The following EHD4 variants were observed in gnomAD, a reference collection of about 807,000 sequenced individuals.
EHD4 encodes EH domain containing 4.
Under a neutral mutation model 51.0 loss-of-function variants are expected in EHD4, and 37 were observed. The observed-to-expected ratio is 0.73, with a 90% confidence interval of 0.56 to 0.95. The LOEUF is 0.95. Ranked by LOEUF, EHD4 falls within the 40% of genes least tolerant of loss-of-function variation. EHD4 has a pLI of 0.00. For missense variants in EHD4, 632 were observed against 733.1 expected, an observed-to-expected ratio of 0.86 and a Z score of 1.59; for synonymous variants, 297 against 317.3, an observed-to-expected ratio of 0.94 and a Z score of 0.68.
rs552119981 is a variant in EHD4, at chr15:41,913,880, G to T, written c.925-4017C>A. ...CAGAAGCCCTAAGGCATCTAATGGG[G>T]ATGACTGGGGGAAATCAAATGGATC... On this transcript the variant is annotated intron_variant, in intron 4 of 5. Coordinates refer to ENST00000220325, the MANE Select transcript of EHD4 (RefSeq NM_139265.4). Among the ~76,000 whole-genome samples the T allele has an allele frequency of 3.9e-5, 6 of 152,342 alleles. No homozygotes were observed. The East Asian group carries it at 1.2e-3, about 29-fold the overall frequency.
chr15:41,907,858 GTGTGTGTGTGTGTATA>G (rs892327848), intron 5 of EHD4, among the ~76,000 whole-genome samples: 19 of 105,392 alleles, frequency 1.8e-4, no homozygotes, highest in African/African-American at 4.3e-4. Context: ...GTGTGTGTGT[GTGTGTGTGTGTGTATA>G]TATTTATTTA....
chr15:41,932,963 C>A (rs1477255963), intron 3 of EHD4, among the ~76,000 whole-genome samples: 1 of 152,182 alleles, frequency 6.6e-6, no homozygotes, highest in African/African-American at 2.4e-5. Flanking sequence ...CATGACCGCC[C>A]CTATCACCAG....
At chr15:41,906,131 A>T (rs1190437074) in intron 5 of EHD4, among the ~76,000 whole-genome samples, 21 of 152,208 alleles carry the variant, frequency 1.4e-4, no homozygotes, top group Admixed American at 1.4e-3. Context: ...CTACAAGTCA[A>T]ATCCATGGAC....
intron 3 of EHD4, among the ~76,000 whole-genome samples, chr15:41,935,517 CAA>C (rs1401444639): frequency 6.6e-6 from 1 of 152,062 alleles, no homozygotes. Flanking sequence ...AAATTATCAT[CAA>C]AAATTGCTAA....
chr15:41,955,212 G>A (rs1042789822), intron 1 of EHD4, among the ~76,000 whole-genome samples: 21 of 144,922 alleles, frequency 1.4e-4, no homozygotes, highest in Admixed American at 2.7e-4. Flanking sequence ...TTCACCTCAT[G>A]CTCTGAGGTG....
intron 1 of EHD4, among the ~76,000 whole-genome samples, chr15:41,956,928 A>G (rs767034815): frequency 1.3e-5 from 2 of 152,250 alleles, no homozygotes; most frequent in Non-Finnish European, 2.9e-5. Context: ...GGAATCATCA[A>G]TGCTGGCAAG....
intron 1 of EHD4, among the ~76,000 whole-genome samples, chr15:41,970,853 G>C (rs1399316310): frequency 1.3e-5 from 2 of 152,136 alleles, no homozygotes; most frequent in African/African-American, 4.8e-5. Flanking sequence ...ATTATCCCTA[G>C]TACCTAAAAA....
At chr15:41,931,898 A>C (rs2067701359) in intron 3 of EHD4, among the ~76,000 whole-genome samples, 1 of 152,048 alleles carries the variant, frequency 6.6e-6, no homozygotes. Context: ...GCTGGTCTCC[A>C]ACTCCTGACC....
intron 5 of EHD4, among the ~76,000 whole-genome samples, chr15:41,905,382 C>T (rs1484225287): frequency 6.6e-6 from 1 of 152,144 alleles, no homozygotes; most frequent in African/African-American, 2.4e-5. Context: ...CTGTGGGAAT[C>T]GAGGCTGCGT....
intron 3 of EHD4, chr15:41,921,430 G>A (rs2067624876): frequency 6.6e-6 from 1 of 152,230 alleles, no homozygotes; most frequent in Non-Finnish European, 1.5e-5. Flanking sequence ...GTCCCTGAAA[G>A]GCCAGAACAA....
chr15:41,964,144 CAAAAAAAAAAAAA>C lies in EHD4; in HGVS notation c.236+8102_236+8114del, dbSNP rs755699829. ...TGGGTGACAGAGTGAGACTCCATCT[CAAAAAAAAAAAAA>C]AAAAAAAAAAAAGGACAAGACCAAC... On this transcript the variant is annotated intron_variant, in intron 1 of 5. Transcript: ENST00000220325. Among the ~76,000 whole-genome samples, 6 of 26,536 alleles carry C rather than the reference CAAAAAAAAAAAAA, an allele frequency of 2.3e-4. No individual in the cohort carries two copies. In the East Asian group the frequency reaches 6.5e-3, roughly 29 times the overall value. The allele number at this position is 26,536 out of a possible 152,430, so 17.4% of individuals were successfully genotyped here.
chr15:41,953,771 G>A lies in EHD4; in HGVS notation c.406C>T (p.Leu136=), dbSNP rs1324237744. The A allele has an allele frequency of 3.1e-6, 5 of 1,605,914 alleles. No individual in the cohort carries two copies. Among genetic ancestry groups the A allele is most frequent in the Non-Finnish European group, 4.2e-6 (5 of 1,177,824 alleles). The change falls in exon 2 of 6, where the codon CTG becomes TTG. Residue 136 remains leucine, a synonymous_variant. Transcript: ENST00000220325. Reference sequence around the variant, plus strand: ...CAGCTTGCTGGTCCTTACCGATTCAGGAAAGCGTTTCCAAAGCGACTGAGC... The same window carrying A: ...CAGCTTGCTGGTCCTTACCGATTCAAGAAAGCGTTTCCAAAGCGACTGAGC... The part of the protein sequence containing the change: ...RKLSRFGNAF[L]NRFMCSQLPN...
chr15:41,967,857 G>C (rs1251633412), intron 1 of EHD4, among the ~76,000 whole-genome samples: 3 of 152,196 alleles, frequency 2.0e-5, no homozygotes, highest in African/African-American at 7.2e-5. Flanking sequence ...ACCAAATACA[G>C]TTCTTTGAGC....
At chr15:41,966,456 G>A (rs541317250) in intron 1 of EHD4, among the ~76,000 whole-genome samples, 57 of 152,246 alleles carry the variant, frequency 3.7e-4, no homozygotes, top group Non-Finnish European at 6.5e-4. Flanking sequence ...CTCAGGCCAC[G>A]TGGTTGGTGG....
rs553081113 is a variant in EHD4 at position 41,954,557 on chromosome 15, T to TA, written c.237-618dup. On this transcript the variant is annotated intron_variant, in intron 1 of 5. Transcript: ENST00000220325. ...GTGCTGAATTCTATCAAATGCCAAA[T>TA]ACAATTTTTCCATCTTTAAAAGAAT... Among the ~76,000 whole-genome samples, 11 of 152,332 alleles carry TA rather than the reference T, an allele frequency of 7.2e-5. 1 individual carries two copies. Among genetic ancestry groups the TA allele is most frequent in the South Asian group, 6.2e-4 (3 of 4,826 alleles).
intron 4 of EHD4, among the ~76,000 whole-genome samples, chr15:41,913,903 A>T (rs1320794736): frequency 1.3e-5 from 2 of 152,224 alleles, no homozygotes; most frequent in East Asian, 1.9e-4. Context: ...AATCAAATGG[A>T]TCAAAATGAC....
At chr15:41,967,560 A>G (rs530606328) in intron 1 of EHD4, among the ~76,000 whole-genome samples, 6 of 152,236 alleles carry the variant, frequency 3.9e-5, no homozygotes, top group Non-Finnish European at 8.8e-5. Context: ...CAGAAGATTG[A>G]TTTTCAGGAG....
rs2067465136 is a variant in EHD4 at position 41,900,013 on chromosome 15, G to C, written c.*632C>G. 1 of 152,650 alleles carries C rather than the reference G, an allele frequency of 6.6e-6. No individual in the cohort carries two copies. The highest frequency in any genetic ancestry group is 1.9e-4 in the East Asian group (1 of 5,186). The allele number at this position is 152,650 out of a possible 1,614,324, so 9.5% of individuals were successfully genotyped here. A position where few individuals can be genotyped will look rare whatever the true frequency, so the allele number is the denominator to read the frequency against. On this transcript the variant is annotated 3_prime_UTR_variant, in exon 6 of 6. Coordinates refer to ENST00000220325, the MANE Select transcript of EHD4 (RefSeq NM_139265.4). The surrounding 1 kb of genome is among the most constrained non-coding windows in gnomAD (Gnocchi z 4.8). ...GGGGCACTGGGATGGAGGCACGCTG[G>C]GGCCTGACTGCCTGCTCTGCTGGAG... is the stretch of plus-strand genomic sequence containing the variant.
chr15:41,943,579 C>G (rs1023044128), intron 2 of EHD4, among the ~76,000 whole-genome samples: 1 of 152,206 alleles, frequency 6.6e-6, no homozygotes, highest in Non-Finnish European at 1.5e-5. Flanking sequence ...TGCTCAGGGT[C>G]ACTCAGAGCG....
Sources: gnomAD v4.1 joint callset for allele counts (sites outside exome capture counted in the v4.1 genomes callset) on GRCh38, gnomAD v4.1.1 for gene constraint, Gnocchi (gnomAD v3.1) non-coding constraint, MANE v1.5 for transcripts, NCBI Gene and HGNC (gene_info 2026-07-23, HGNC 2026-07-21) for gene names.